The following PIK3CB variants were observed in gnomAD, a reference collection of about 807,000 sequenced individuals.
PIK3CB encodes the protein phosphatidylinositol-4,5-bisphosphate 3-kinase catalytic subunit beta, also known as phosphatidylinositol 4,5-bisphosphate 3-kinase catalytic subunit beta isoform.
Under a neutral mutation model 136.8 loss-of-function variants are expected in PIK3CB, and 39 were observed. The ratio of observed to expected loss-of-function variants is 0.29; its 90% CI spans 0.22 to 0.37. The LOEUF (loss-of-function observed/expected upper bound fraction) is 0.37, where lower values mean the gene tolerates loss of function less well. Ranked by LOEUF, PIK3CB falls within the 10% of genes least tolerant of loss-of-function variation. The pLI is 1.00. For synonymous variants in PIK3CB, 428 were observed against 436.6 expected (o/e 0.98, Z 0.25); for missense variants, 868 against 1,275.4 (o/e 0.68, Z 4.87).
chr3:138,679,918 A>G (rs2043730338), intron 19 of PIK3CB, among the ~76,000 whole-genome samples: 1 of 145,130 alleles, frequency 6.9e-6, no homozygotes, highest in African/African-American at 2.5e-5. Context: ...AAAAATGAGA[A>G]CAGAATAAAC....
chr3:138,669,757 A>T (rs2043495198), intron 19 of PIK3CB, among the ~76,000 whole-genome samples: 1 of 152,206 alleles, frequency 6.6e-6, no homozygotes, highest in African/African-American at 2.4e-5. Context: ...TCATGCAAAC[A>T]TGGCACTGTT....
intron 1 of PIK3CB, among the ~76,000 whole-genome samples, chr3:138,833,490 T>C (rs1685979925): frequency 6.6e-6 from 1 of 152,174 alleles, no homozygotes; most frequent in African/African-American, 2.4e-5. Context: ...CATAAAATCT[T>C]ACAATGTAGC....
chr3:138,770,555 A>G (rs2045786507), intron 2 of PIK3CB: 1 of 151,834 alleles, frequency 6.6e-6, no homozygotes, highest in Non-Finnish European at 1.5e-5. Context: ...TAAAAAATAC[A>G]AAAAATTAGC....
intron 9 of PIK3CB, among the ~76,000 whole-genome samples, chr3:138,713,718 T>C (rs145963046): frequency 5.3e-5 from 8 of 152,072 alleles, no homozygotes; most frequent in Non-Finnish European, 1.0e-4. Flanking sequence ...TAGATAAATA[T>C]AGTAACTAGA....
intron 2 of PIK3CB, among the ~76,000 whole-genome samples, chr3:138,760,068 C>T (rs1395706573): frequency 2.0e-5 from 3 of 152,074 alleles, no homozygotes; most frequent in Non-Finnish European, 4.4e-5. Flanking sequence ...ACTACAGGCG[C>T]CTGCCACCAT....
chr3:138,805,072 C>T (rs958451678), intron 1 of PIK3CB, among the ~76,000 whole-genome samples: 4 of 150,580 alleles, frequency 2.7e-5, no homozygotes, highest in African/African-American at 9.8e-5. Flanking sequence ...TGGTGGCTCA[C>T]GCCTGTAAAC....
chr3:138,733,627 C>A (rs2045037716), intron 7 of PIK3CB, among the ~76,000 whole-genome samples, 189 bp from the exon 8 acceptor site: 1 of 152,146 alleles, frequency 6.6e-6, no homozygotes, highest in South Asian at 2.1e-4. Flanking sequence ...GCCTGTAATC[C>A]CAGCACTTTG....
chr3:138,658,058 T>C (rs1337796344), intron 21 of PIK3CB, among the ~76,000 whole-genome samples: 1 of 152,152 alleles, frequency 6.6e-6, no homozygotes, highest in African/African-American at 2.4e-5. Flanking sequence ...ACTGTAGATA[T>C]CTAGTGGAAA....
intron 22 of PIK3CB, chr3:138,657,486 T>A (rs2043212175): frequency 1.9e-6 from 1 of 519,032 alleles, no homozygotes; most frequent in Non-Finnish European, 3.4e-6. Context: ...AATAATTATT[T>A]TAAATTTCTA....
chr3:138,799,145 C>T (rs1372303647), intron 1 of PIK3CB, among the ~76,000 whole-genome samples: 2 of 151,488 alleles, frequency 1.3e-5, no homozygotes, highest in Non-Finnish European at 2.9e-5. Context: ...TTCCAACACC[C>T]TCCAAATCTG....
chr3:138,744,726 A>C (rs547861446), intron 4 of PIK3CB, among the ~76,000 whole-genome samples: 2 of 152,334 alleles, frequency 1.3e-5, no homozygotes, highest in Admixed American at 6.5e-5. Flanking sequence ...AAAAGAAGTA[A>C]AAAGCATTCT....
chr3:138,780,301 T>C (rs2045909694), intron 2 of PIK3CB, among the ~76,000 whole-genome samples: 1 of 151,758 alleles, frequency 6.6e-6, no homozygotes, highest in Non-Finnish European at 1.5e-5. Context: ...AGACGGCGTC[T>C]TGCTCTGTTG....
intron 1 of PIK3CB, among the ~76,000 whole-genome samples, chr3:138,812,300 G>C (rs941852627): frequency 6.6e-6 from 1 of 150,800 alleles, no homozygotes; most frequent in African/African-American, 2.4e-5. Flanking sequence ...CAAATGGTGC[G>C]ATCTTGGCTC....
At chr3:138,699,127 A>G (rs2044195793) in intron 12 of PIK3CB, 32 bp from the exon 13 acceptor site, 1 of 1,226,538 alleles carries the variant, frequency 8.2e-7, no homozygotes, top group Non-Finnish European at 1.1e-6. Context: ...TATAGAATTT[A>G]ATTGTGCAAA....
At chr3:138,822,134 T>A (rs1179169369) in intron 1 of PIK3CB, among the ~76,000 whole-genome samples, 2 of 151,104 alleles carry the variant, frequency 1.3e-5, no homozygotes, top group Non-Finnish European at 2.9e-5. Context: ...CAAGACCCTG[T>A]CTCCAGAAAA....
At chr3:138,803,881 T>C (rs1382955123) in intron 1 of PIK3CB, among the ~76,000 whole-genome samples, 1 of 152,166 alleles carries the variant, frequency 6.6e-6, no homozygotes, top group Non-Finnish European at 1.5e-5. Context: ...GCAGAATGAA[T>C]TTGACATTCC....
At chr3:138,767,315 A>G (rs1419815691) in intron 2 of PIK3CB, among the ~76,000 whole-genome samples, 1 of 152,244 alleles carries the variant, frequency 6.6e-6, no homozygotes, top group Non-Finnish European at 1.5e-5. Flanking sequence ...TTGATTATCC[A>G]TTACCTAACA....
intron 5 of PIK3CB, among the ~76,000 whole-genome samples, chr3:138,739,576 G>A (rs76815234): frequency 0.03 from 4,594 of 151,404 alleles, 236 homozygotes; most frequent in African/African-American, 0.11. Context: ...ATGAACTAGT[G>A]CCTTGATCTA....
At chr3:138,737,649 A>G (rs916401807) in intron 6 of PIK3CB, 58 bp downstream of exon 6, 3 of 493,064 alleles carry the variant, frequency 6.1e-6, no homozygotes, top group Non-Finnish European at 8.9e-6. Context: ...AATAAAATAT[A>G]TATATATATA....
Sources: gnomAD v4.1 joint callset for allele counts (sites outside exome capture counted in the v4.1 genomes callset) on GRCh38, gnomAD v4.1.1 for gene constraint, MANE v1.5 for transcripts, NCBI Gene and HGNC (gene_info 2026-07-23, HGNC 2026-07-21) for gene names.